The following SLC16A8 variants were observed in gnomAD, a reference collection of about 807,000 sequenced individuals.
SLC16A8 encodes the protein monocarboxylate transporter 3.
A neutral mutation model predicts 22.4 loss-of-function variants in SLC16A8; 20 were observed. The ratio of observed to expected loss-of-function variants is 0.89; its 90% CI spans 0.63 to 1.30. The LOEUF is 1.30. SLC16A8 is among the 50% of genes most tolerant of loss of function. SLC16A8 has a pLI of 0.00. For synonymous variants in SLC16A8, 393 were observed against 358.8 expected (o/e 1.10, Z -1.08); for missense variants, 817 against 740.3 (o/e 1.10, Z -1.20).
Position 38,080,836 on chromosome 22 carries a change from G to T in SLC16A8, c.1198+4C>A. ...TCGCCACCCCCTCTTCCTTCGGGGCGCACCGGCAGAGGGCGGTCCGATGAG... is the reference window on the plus strand; with the variant it reads ...TCGCCACCCCCTCTTCCTTCGGGGCTCACCGGCAGAGGGCGGTCCGATGAG... On this transcript the variant is annotated splice_donor_region_variant and intron_variant, in intron 5 of 5. Coordinates refer to ENST00000681075, the MANE Select transcript of SLC16A8 (RefSeq NM_013356.3). 6.7e-7 allele frequency: 1 copy of T among 1,486,814 alleles called. No individual in the cohort carries two copies. The highest frequency in any genetic ancestry group is 8.9e-7 in the Non-Finnish European group (1 of 1,125,178). The allele number at this position is 1,486,814 out of a possible 1,614,324, so 92.1% of individuals were successfully genotyped here. A position where few individuals can be genotyped will look rare whatever the true frequency, so the allele number is the denominator to read the frequency against.
At chr22:38,079,464 C>T (rs1167155979) in intron 5 of SLC16A8, among the ~76,000 whole-genome samples, 1 of 152,162 alleles carries the variant, frequency 6.6e-6, no homozygotes, top group Non-Finnish European at 1.5e-5. Flanking sequence ...TCCATTGGCC[C>T]AGGCTGGAAT....
chr22:38,081,337 G>A lies in SLC16A8; in HGVS notation c.701C>T (p.Pro234Leu), dbSNP rs763842724. The change falls in exon 5 of 6, where the codon CCC becomes CTC. Residue 234 changes from proline to leucine, a missense_variant. Transcript: ENST00000681075. ...CAGGCGCCGGCGGGGCCGGACCCTG[G>A]GGGATGCCTCGCGCAGCTGCAGCCC... is the stretch of plus-strand genomic sequence containing the variant. ...GAGLQLREAS[P>L]RVRPRRRLLD... 50 of 1,470,352 alleles carry A rather than the reference G, an allele frequency of 3.4e-5. No individual in the cohort carries two copies. The highest frequency in any genetic ancestry group is 4.5e-5 in the Non-Finnish European group (50 of 1,112,676). The allele number at this position is 1,470,352 out of a possible 1,614,324, so 91.1% of individuals were successfully genotyped here.
rs1001473659 is a variant in SLC16A8 at position 38,081,186 on chromosome 22, G to A, written c.852C>T (p.Pro284=). Reference sequence around the variant, plus strand: ...ACAGCAGGAAGGCGGCGTCGGTGTCGGGCACGCCCGCGTCCTTGGCGTAGT... The same window carrying A: ...ACAGCAGGAAGGCGGCGTCGGTGTCAGGCACGCCCGCGTCCTTGGCGTAGT... The part of the protein sequence containing the change: ...LVNYAKDAGV[P]DTDAAFLLSI... The change falls in exon 5 of 6, where the codon CCC becomes CCT. Residue 284 remains proline, a synonymous_variant. Coordinates refer to ENST00000681075, the MANE Select transcript of SLC16A8 (RefSeq NM_013356.3). 8 of 1,556,324 alleles carry A rather than the reference G, an allele frequency of 5.1e-6. No homozygotes were observed. Among genetic ancestry groups the A allele is most frequent in the South Asian group, 4.7e-5 (4 of 84,724 alleles).
chr22:38,081,710 C>T (rs1329481453), intron 4 of SLC16A8, 31 bp from the exon 5 acceptor site: 3 of 1,470,682 alleles, frequency 2.0e-6, no homozygotes, highest in South Asian at 2.8e-5. Flanking sequence ...TGCCGGGGTC[C>T]CCGGAGAGCC....
rs766167270 is a variant in SLC16A8 at position 38,081,966 on chromosome 22, A to G, written c.281T>C (p.Leu94Pro). The G allele has an allele frequency of 5.5e-5, 86 of 1,562,264 alleles. No homozygotes were observed. The Admixed American group carries it at 1.6e-3, about 28-fold the overall frequency. ...CRPVMLAGGL[L>P]ASAGMILASF... is the part of the protein sequence containing the mutation. ...AGCTAGGATCATGCCCGCGGAAGCC[A>G]GCAGCCCACCCGCCAGCATCACCGG... is the stretch of plus-strand genomic sequence containing the variant. The change falls in exon 4 of 6, where the codon CTG (leucine) becomes CCG (proline). Residue 94 changes from leucine to proline, a missense_variant. Transcript: ENST00000681075.
At position 38,078,492 on chromosome 22, in the gene SLC16A8, C is replaced by T; in HGVS notation, c.1411G>A (p.Glu471Lys). The change falls in exon 6 of 6, where the codon GAG (glutamate) becomes AAG (lysine). Residue 471 changes from glutamate to lysine, a missense_variant. By Grantham distance (56) the Glu-to-Lys change is moderately conservative. Transcript: ENST00000681075. ...AGGGCCTCCAGGTTGCCGGGTTCCT[C>T]TGCAACAACAGGCAGGGGCTCAGAG... ...GDSEPLPVVAEEPGNLEALEV... is the reference protein window; with the variant it reads ...GDSEPLPVVAKEPGNLEALEV... The T allele has an allele frequency of 6.2e-7, 1 of 1,614,148 alleles. No individual in the cohort carries two copies. The highest frequency in any genetic ancestry group is 8.5e-7 in the Non-Finnish European group (1 of 1,180,044).
chr22:38,078,623 A>G lies in SLC16A8; in HGVS notation c.1280T>C (p.Met427Thr). ...GSEVALAGVF[M>T]AVATNCCLRC... The stretch of plus-strand genomic sequence containing the variant: ...CAGGCAGCAGTTGGTGGCGACAGCC[A>G]TGAAGACCCCAGCCAGGGCCACCTC... The change falls in exon 6 of 6, where the codon ATG becomes ACG. Residue 427 changes from methionine to threonine, a missense_variant. Transcript: ENST00000681075. The G allele has an allele frequency of 1.2e-6, 2 of 1,614,052 alleles. No homozygotes were observed. The highest frequency in any genetic ancestry group is 1.7e-6 in the Non-Finnish European group (2 of 1,179,920).
At chr22:38,078,897 T>TA (rs1214263207) in intron 5 of SLC16A8, among the ~76,000 whole-genome samples, 193 bp from the exon 6 acceptor site, 1 of 152,240 alleles carries the variant, frequency 6.6e-6, no homozygotes, top group Non-Finnish European at 1.5e-5. Context: ...ACCTTAAAAA[T>TA]GTCACTTGCT....
At chr22:38,081,784 C>A (rs1373857187) in intron 4 of SLC16A8, 105 bp from the exon 5 acceptor site, 13 of 1,462,316 alleles carry the variant, frequency 8.9e-6, no homozygotes, top group Non-Finnish European at 1.2e-5. Context: ...GGGAACCCAG[C>A]CGAGGGACTT....
rs961604276 is a variant in SLC16A8 at position 38,081,175 on chromosome 22, G to A, written c.863C>T (p.Ala288Val). Residue 288 changes from alanine to valine, a missense_variant, in exon 5 of 6, where the codon GCC becomes GTC. By Grantham distance (64) the Ala-to-Val change is moderately conservative (BLOSUM62 0). Coordinates refer to ENST00000681075, the MANE Select transcript of SLC16A8 (RefSeq NM_013356.3). The part of the protein sequence containing the change: ...AKDAGVPDTD[A>V]AFLLSIVGFV... ...GCCCACGATGGACAGCAGGAAGGCG[G>A]CGTCGGTGTCGGGCACGCCCGCGTC... The A allele has an allele frequency of 1.9e-6, 3 of 1,553,718 alleles. No homozygotes were observed. Among genetic ancestry groups the A allele is most frequent in the African/African-American group, 2.7e-5 (2 of 73,270 alleles).
At chr22:38,080,068 C>T (rs186989644) in intron 5 of SLC16A8, among the ~76,000 whole-genome samples, 1 of 152,364 alleles carries the variant, frequency 6.6e-6, no homozygotes, top group East Asian at 1.9e-4. Flanking sequence ...TCACAGCCCT[C>T]TAGCCTCTGG....
At position 38,081,383 on chromosome 22, in the gene SLC16A8, C is replaced by T; in HGVS notation, c.655G>A (p.Glu219Lys). The change falls in exon 5 of 6, where the codon GAG (glutamate) becomes AAG (lysine). Residue 219 changes from glutamate to lysine, a missense_variant. Transcript: ENST00000681075. ...AGDRAGDAPGEAEADGAGLQL... is the reference protein window; with the variant it reads ...AGDRAGDAPGKAEADGAGLQL... The stretch of plus-strand genomic sequence containing the variant: ...AGCCCCGCACCGTCAGCCTCCGCCT[C>T]GCCCGGAGCGTCCCCGGCGCGGTCG... 1.9e-5 allele frequency: 26 copies of T among 1,392,484 alleles called. No individual in the cohort carries two copies. The highest frequency in any genetic ancestry group is 2.4e-5 in the Non-Finnish European group (26 of 1,077,270). 86.3% of individuals were successfully genotyped at this position (1,392,484 alleles called of 1,614,324 possible).
Position 38,081,692 on chromosome 22 carries a change from C to T in SLC16A8, c.359-13G>A, listed in dbSNP as rs1455789817. On this transcript the variant is annotated splice_polypyrimidine_tract_variant and intron_variant, in intron 4 of 5. Transcript: ENST00000681075. Reference sequence around the variant, plus strand: ...GCCAGGCCCAGGCCTGCGGGCGAGGCGGTGCTGTGCCGGGGTCCCCGGAGA... The same window carrying T: ...GCCAGGCCCAGGCCTGCGGGCGAGGTGGTGCTGTGCCGGGGTCCCCGGAGA... The T allele has an allele frequency of 2.7e-6, 4 of 1,494,476 alleles. No individual in the cohort carries two copies. Among genetic ancestry groups the T allele is most frequent in the Non-Finnish European group, 2.7e-6 (3 of 1,127,804 alleles). The allele number at this position is 1,494,476 out of a possible 1,614,324, so 92.6% of individuals were successfully genotyped here.
At position 38,080,911 on chromosome 22, in the gene SLC16A8, C is replaced by A. The variant is rs1176691705; in HGVS notation, c.1127G>T (p.Arg376Leu). The A allele has an allele frequency of 1.3e-6, 2 of 1,568,644 alleles. No individual in the cohort carries two copies. The highest frequency in any genetic ancestry group is 3.8e-5 in the Admixed American group (2 of 53,288). ...EVLMAAVGAP[R>L]FPSALGLVLL... ...CACCAGGCCCAGCGCACTGGGGAAGCGGGGCGCGCCCACAGCCGCCATGAG... is the reference window on the plus strand; with the variant it reads ...CACCAGGCCCAGCGCACTGGGGAAGAGGGGCGCGCCCACAGCCGCCATGAG... Residue 376 changes from arginine to leucine, a missense_variant, in exon 5 of 6, where the codon CGC (arginine) becomes CTC (leucine). By Grantham distance (102) the Arg-to-Leu change is moderately radical. Coordinates refer to ENST00000681075, the MANE Select transcript of SLC16A8 (RefSeq NM_013356.3).
Position 38,081,181 on chromosome 22 carries a change from G to C in SLC16A8, c.857C>G (p.Thr286Ser), listed in dbSNP as rs201896042. ...NYAKDAGVPD[T>S]DAAFLLSIVG... Reference sequence around the variant, plus strand: ...GATGGACAGCAGGAAGGCGGCGTCGGTGTCGGGCACGCCCGCGTCCTTGGC... The same window carrying C: ...GATGGACAGCAGGAAGGCGGCGTCGCTGTCGGGCACGCCCGCGTCCTTGGC... The change falls in exon 5 of 6, where the codon ACC becomes AGC. Residue 286 changes from threonine (T) to serine (S), a missense_variant. Thr to Ser is a moderately conservative substitution (Grantham distance 58). Transcript: ENST00000681075. The C allele has an allele frequency of 2.2e-4, 344 of 1,555,578 alleles. 3 individuals carry two copies. The African/African-American group carries it at 4.2e-3, about 19-fold the overall frequency.
At position 38,082,709 on chromosome 22, in the gene SLC16A8, G is replaced by GC. The variant is rs1321264383; in HGVS notation, c.164dup (p.Ser55ArgfsTer169). On this transcript the variant is annotated frameshift_variant, in exon 3 of 6. Coordinates refer to ENST00000681075, the MANE Select transcript of SLC16A8 (RefSeq NM_013356.3). LOFTEE classifies it high-confidence loss of function. Reference sequence around the variant, plus strand: ...TGATGGAGGACACCCAGGCCGTGTCGCTGTAGCCGGCGTCGAAGTCGCGCA... The same window carrying GC: ...TGATGGAGGACACCCAGGCCGTGTCGCCTGTAGCCGGCGTCGAAGTCGCGCA... 4 of 1,590,178 alleles carry GC rather than the reference G, an allele frequency of 2.5e-6. No homozygotes were observed. The highest frequency in any genetic ancestry group is 3.4e-6 in the Non-Finnish European group (4 of 1,170,234).
chr22:38,082,439 C>A (rs868782673), intron 3 of SLC16A8, among the ~76,000 whole-genome samples: 1 of 152,222 alleles, frequency 6.6e-6, no homozygotes, highest in Non-Finnish European at 1.5e-5. Flanking sequence ...TTAGAAGGGG[C>A]CCTCTGAGCT....
chr22:38,080,921 C>G lies in SLC16A8; in HGVS notation c.1117G>C (p.Gly373Arg). 3.8e-6 allele frequency: 6 copies of G among 1,573,704 alleles called. No individual in the cohort carries two copies. The highest frequency in any genetic ancestry group is 4.3e-6 in the Non-Finnish European group (5 of 1,166,218). Reference protein sequence around the residue: ...LQFEVLMAAVGAPRFPSALGL... With the variant: ...LQFEVLMAAVRAPRFPSALGL... ...AGCGCACTGGGGAAGCGGGGCGCGC[C>G]CACAGCCGCCATGAGCACCTCGAAC... Residue 373 changes from glycine to arginine, a missense_variant, in exon 5 of 6, where the codon GGC becomes CGC. Gly to Arg is a moderately radical substitution (Grantham distance 125, BLOSUM62 -2). Transcript: ENST00000681075.
Position 38,081,946 on chromosome 22 carries a change from G to C in SLC16A8, c.301C>G (p.Leu101Val). The stretch of plus-strand genomic sequence containing the variant: ...AGGAGGCGCGTGGCAAAGGAAGCTA[G>C]GATCATGCCCGCGGAAGCCAGCAGC... ...GGLLASAGMI[L>V]ASFATRLLEL... The change falls in exon 4 of 6, where the codon CTA becomes GTA. Residue 101 changes from leucine to valine, a missense_variant. By Grantham distance (32) the Leu-to-Val change is conservative (BLOSUM62 1). Transcript: ENST00000681075. 3.2e-6 allele frequency: 5 copies of C among 1,570,506 alleles called. No homozygotes were observed. The highest frequency in any genetic ancestry group is 4.3e-6 in the Non-Finnish European group (5 of 1,157,978).
Sources: allele counts gnomAD v4.1 joint callset (sites outside exome capture counted in the v4.1 genomes callset), GRCh38; gene constraint gnomAD v4.1.1; transcripts MANE v1.5; gene names NCBI Gene and HGNC (gene_info 2026-07-23, HGNC 2026-07-21).